DCDC1: variants seen among roughly 807,000 people sequenced by gnomAD.
DCDC1 encodes doublecortin domain-containing protein 1.
Under a neutral mutation model 178.3 loss-of-function variants are expected in DCDC1, and 200 were observed. That is an observed-to-expected ratio of 1.12 (90% confidence interval 1.00 to 1.26). The LOEUF is 1.26. Ranked by LOEUF, DCDC1 falls within the 50% of genes most tolerant of loss-of-function variation. The pLI is 0.00. For missense variants in DCDC1, 1,983 were observed against 1,749.2 expected, an observed-to-expected ratio of 1.13 and a Z score of -2.38; for synonymous variants, 690 against 604.8, an observed-to-expected ratio of 1.14 and a Z score of -2.07.
rs1470485817 is a variant in DCDC1 at position 30,920,855 on chromosome 11, C to G, written c.3214G>C (p.Glu1072Gln). 6.2e-7 allele frequency: 1 copy of G among 1,613,468 alleles called. No individual in the cohort carries two copies. Among genetic ancestry groups the G allele is most frequent in the African/African-American group, 1.3e-5 (1 of 74,932 alleles). The change falls in exon 25 of 39, where the codon GAG becomes CAG. Residue 1072 changes from glutamate (E) to glutamine (Q), a missense_variant. Glu to Gln is a conservative substitution (Grantham distance 29). Coordinates refer to ENST00000684477, the MANE Select transcript of DCDC1 (RefSeq NM_001387274.1). ...TCTTCCGGTTCTGTAACTTGCTTCT[C>G]TTCTCCAAAAATTGCTACAGGTTTA... ...VHKPVAIFGE[E>Q]KQVTEPEEKQ...
intron 20 of DCDC1, among the ~76,000 whole-genome samples, chr11:30,973,029 T>C (rs1311178526): frequency 6.6e-6 from 1 of 151,912 alleles, no homozygotes; most frequent in Non-Finnish European, 1.5e-5. Context: ...CCCAGCACTT[T>C]TGGGGGCTGA....
intron 2 of DCDC1, among the ~76,000 whole-genome samples, chr11:31,331,473 A>T (rs1740940620): frequency 6.6e-6 from 1 of 152,122 alleles, no homozygotes; most frequent in South Asian, 2.1e-4. Flanking sequence ...TTTCAAAGGG[A>T]ATGCTTCCAG....
At position 31,173,755 on chromosome 11, in the gene DCDC1, C is replaced by A. The variant is rs78041474; in HGVS notation, c.1222-35971G>T. On this transcript the variant is annotated intron_variant, in intron 9 of 38. Transcript: ENST00000684477. ...ACACACTTACACACACACACACACA[C>A]ACAAACACACACACACCCCCACATC... 6.2e-4 allele frequency among the ~76,000 whole-genome samples: 55 copies of A among 89,068 alleles called. 1 individual carries two copies. Among genetic ancestry groups the A allele is most frequent in the South Asian group, 1.8e-3 (4 of 2,188 alleles). 58.4% of individuals were successfully genotyped at this position (89,068 alleles called of 152,430 possible). A position where few individuals can be genotyped will look rare whatever the true frequency, so the allele number is the denominator to read the frequency against.
intron 9 of DCDC1, among the ~76,000 whole-genome samples, chr11:31,237,433 G>T (rs1320548652): frequency 6.6e-6 from 1 of 151,732 alleles, no homozygotes; most frequent in Non-Finnish European, 1.5e-5. Flanking sequence ...AACACAATAT[G>T]CCAAATATAG....
chr11:30,881,879 A>C (rs1942710100), intron 36 of DCDC1, among the ~76,000 whole-genome samples: 1 of 152,208 alleles, frequency 6.6e-6, no homozygotes, highest in African/African-American at 2.4e-5. Context: ...TTTATCTTGA[A>C]TACTTACTCA....
intron 2 of DCDC1, among the ~76,000 whole-genome samples, chr11:31,335,035 C>G (rs1264120225): frequency 1.3e-5 from 2 of 152,126 alleles, no homozygotes; most frequent in Non-Finnish European, 2.9e-5. Context: ...GCAGGGCTTG[C>G]AGAGCTGCGG....
At chr11:30,929,409 G>A (rs533812004) in intron 22 of DCDC1, among the ~76,000 whole-genome samples, 1 of 152,246 alleles carries the variant, frequency 6.6e-6, no homozygotes, top group Admixed American at 6.6e-5. Context: ...CGAGAGGAGA[G>A]AGTGTCTCAT....
At chr11:30,904,924 T>C (rs1944950980) in intron 31 of DCDC1, 37 bp downstream of exon 31, 1 of 1,610,962 alleles carries the variant, frequency 6.2e-7, no homozygotes. Flanking sequence ...TCATTACCTC[T>C]GAAGATGCAA....
At chr11:31,112,320 A>G (rs1959191005) in intron 11 of DCDC1, among the ~76,000 whole-genome samples, 1 of 152,212 alleles carries the variant, frequency 6.6e-6, no homozygotes, top group Non-Finnish European at 1.5e-5. Flanking sequence ...TTGCCTGAGG[A>G]ATATTTTTAT....
chr11:31,205,169 G>A (rs1162947490), intron 9 of DCDC1, among the ~76,000 whole-genome samples: 1 of 152,166 alleles, frequency 6.6e-6, no homozygotes, highest in Non-Finnish European at 1.5e-5. Flanking sequence ...GAAGAGGCCT[G>A]AACAAACTAC....
At chr11:31,032,286 A>G (rs565437945) in intron 20 of DCDC1, among the ~76,000 whole-genome samples, 11 of 152,316 alleles carry the variant, frequency 7.2e-5, no homozygotes, top group Non-Finnish European at 1.6e-4. Context: ...ACAAGTGAAC[A>G]ATTAGTTTCC....
intron 1 of DCDC1, among the ~76,000 whole-genome samples, chr11:31,344,291 T>C (rs911379555): frequency 6.6e-6 from 1 of 152,256 alleles, no homozygotes; most frequent in Non-Finnish European, 1.5e-5. Flanking sequence ...AACACATGCA[T>C]AGTTTATTCA....
intron 20 of DCDC1, among the ~76,000 whole-genome samples, chr11:31,043,996 A>T (rs1402684710): frequency 6.6e-6 from 1 of 151,870 alleles, no homozygotes; most frequent in Non-Finnish European, 1.5e-5. Flanking sequence ...GCCCTCAAAG[A>T]TGTCTTTCCC....
At chr11:31,281,073 A>G (rs1216912350) in intron 7 of DCDC1, 1 of 452,556 alleles carries the variant, frequency 2.2e-6, no homozygotes, top group Non-Finnish European at 4.2e-6. Context: ...TCTAATTGTC[A>G]CTAGCATATA....
chr11:31,293,523 C>G (rs1366098052), intron 6 of DCDC1, among the ~76,000 whole-genome samples: 1 of 152,100 alleles, frequency 6.6e-6, no homozygotes, highest in East Asian at 1.9e-4. Flanking sequence ...TCACAGAACC[C>G]TCAGAGCGAA....
intron 6 of DCDC1, among the ~76,000 whole-genome samples, chr11:31,295,364 A>C (rs1193584320): frequency 6.6e-6 from 1 of 152,120 alleles, no homozygotes; most frequent in Non-Finnish European, 1.5e-5. Flanking sequence ...AGTGTAGTAG[A>C]CACTGTTGGT....
intron 20 of DCDC1, among the ~76,000 whole-genome samples, chr11:31,055,840 G>A (rs1263897609): frequency 6.6e-6 from 1 of 152,096 alleles, no homozygotes; most frequent in Non-Finnish European, 1.5e-5. Flanking sequence ...TGGACTTTGG[G>A]TACTTGGGGG....
intron 17 of DCDC1, among the ~76,000 whole-genome samples, chr11:31,079,714 T>A (rs1565256230): frequency 6.6e-6 from 1 of 151,822 alleles, no homozygotes; most frequent in Non-Finnish European, 1.5e-5. Flanking sequence ...AAATAACACA[T>A]CTAATATCAG....
chr11:31,337,658 C>CTCAA (rs3059707), intron 1 of DCDC1, among the ~76,000 whole-genome samples: 100,088 of 150,032 alleles, frequency 0.67, 34,064 homozygotes, highest in African/African-American at 0.78. Context: ...GAGACCCTGT[C>CTCAA]TCAATCAATC....
Sources: allele counts gnomAD v4.1 joint callset (sites outside exome capture counted in the v4.1 genomes callset), GRCh38; gene constraint gnomAD v4.1.1; transcripts MANE v1.5; gene names NCBI Gene and HGNC (gene_info 2026-07-23, HGNC 2026-07-21).